Variants in CHRNA6 observed in about 807,000 individuals in gnomAD.
CHRNA6 encodes cholinergic receptor nicotinic alpha 6 subunit.
CHRNA6 carries 31 observed loss-of-function variants against 40.9 expected under a neutral mutation model. That is an observed-to-expected ratio of 0.76 (90% CI 0.57 to 1.02). The LOEUF (loss-of-function observed/expected upper bound fraction) is 1.02, where lower values mean the gene tolerates loss of function less well. Among genes scored for constraint, CHRNA6 ranks in the 50% least tolerant of loss-of-function variants. CHRNA6 has a pLI of 0.00. For missense variants in CHRNA6, 546 were observed against 596.6 expected, an observed-to-expected ratio of 0.92 and a Z score of 0.88; for synonymous variants, 222 against 221.3, an observed-to-expected ratio of 1.00 and a Z score of -0.03.
Position 42,756,485 on chromosome 8 carries a change from TC to T in CHRNA6, c.713del (p.Arg238AsnfsTer10). Reference sequence around the variant, plus strand: ...GATTAATCGTGTAAAACATCGGCAATCTTCTAATGTAGAAAGAATAGGTTAT... The same window carrying T: ...GATTAATCGTGTAAAACATCGGCAATTTCTAATGTAGAAAGAATAGGTTAT... The part of the protein sequence containing the change: ...TDITYSFYIR[R>X]LPMFYTINLI... On this transcript the variant is annotated frameshift_variant, in exon 5 of 6. Transcript: ENST00000276410. LOFTEE classifies it high-confidence loss of function. 1 of 1,614,170 alleles carries T rather than the reference TC, an allele frequency of 6.2e-7. No individual in the cohort carries two copies. The highest frequency in any genetic ancestry group is 8.5e-7 in the Non-Finnish European group (1 of 1,180,012).
intron 1 of CHRNA6, among the ~76,000 whole-genome samples, chr8:42,765,654 C>A (rs1171307558): frequency 6.6e-6 from 1 of 152,184 alleles, no homozygotes. Context: ...TGTATCTACA[C>A]CAGCAAGGTG....
chr8:42,760,232 T>TGC (rs1816880511), intron 2 of CHRNA6, among the ~76,000 whole-genome samples: 1 of 149,724 alleles, frequency 6.7e-6, no homozygotes, highest in African/African-American at 2.5e-5. Flanking sequence ...CGCACACTCA[T>TGC]ACACACGCAC....
chr8:42,764,409 C>T (rs941769175), intron 2 of CHRNA6, among the ~76,000 whole-genome samples: 3 of 151,968 alleles, frequency 2.0e-5, no homozygotes, highest in African/African-American at 7.3e-5. Context: ...CTCACTGCAG[C>T]CTTGACCTCC....
intron 1 of CHRNA6, among the ~76,000 whole-genome samples, chr8:42,765,540 T>C (rs922600144): frequency 6.6e-6 from 1 of 152,258 alleles, no homozygotes; most frequent in African/African-American, 2.4e-5. Context: ...TCTTCACTTA[T>C]GTCACTGAAG....
chr8:42,753,462 T>C (rs111846076), intron 5 of CHRNA6, 152 bp from the exon 6 acceptor site: 1 of 722,010 alleles, frequency 1.4e-6, no homozygotes, highest in African/African-American at 1.8e-5. Context: ...TCATCTGAGG[T>C]CTGGAGTTCA....
intron 2 of CHRNA6, among the ~76,000 whole-genome samples, chr8:42,762,862 G>A (rs929991172): frequency 6.6e-6 from 1 of 152,206 alleles, no homozygotes; most frequent in African/African-American, 2.4e-5. Flanking sequence ...TTGGAGGGCA[G>A]ATTAGTGGGA....
intron 2 of CHRNA6, among the ~76,000 whole-genome samples, chr8:42,764,210 C>T (rs188227715): frequency 6.6e-6 from 1 of 152,320 alleles, no homozygotes; most frequent in South Asian, 2.1e-4. Flanking sequence ...ACAAAGAGCT[C>T]CAGTCCTACT....
In CHRNA6 at chr8:42,767,893, T is replaced by C. The variant is rs375092779; in HGVS notation, c.79+459A>G. 2.0e-5 allele frequency among the ~76,000 whole-genome samples: 3 copies of C among 152,194 alleles called. No individual in the cohort carries two copies. The East Asian group carries it at 5.8e-4, about 29-fold the overall frequency. On this transcript the variant is annotated intron_variant, in intron 1 of 5. Coordinates refer to ENST00000276410, the MANE Select transcript of CHRNA6 (RefSeq NM_004198.3). ...TCTAAGTTGTAACTTTTAAAATGAA[T>C]GATCTTACTCATGGGATAGTTTCAG...
intron 3 of CHRNA6, among the ~76,000 whole-genome samples, chr8:42,757,356 G>GA (rs11289227): frequency 6.1e-5 from 9 of 148,238 alleles, no homozygotes; most frequent in Non-Finnish European, 9.0e-5. Flanking sequence ...ACTCTATCTG[G>GA]AAAAAAAAAA....
intron 2 of CHRNA6, among the ~76,000 whole-genome samples, chr8:42,762,990 TG>T (rs1816925920): frequency 6.6e-6 from 1 of 152,238 alleles, no homozygotes; most frequent in Admixed American, 6.5e-5. Flanking sequence ...AAGTCTGCCT[TG>T]CAGCTGGAGG....
chr8:42,765,810 G>GAA (rs1029955928), intron 1 of CHRNA6, among the ~76,000 whole-genome samples: 2 of 151,994 alleles, frequency 1.3e-5, no homozygotes, highest in Admixed American at 1.3e-4. Context: ...CAAGAAACAA[G>GAA]AAAAAAAGCT....
intron 2 of CHRNA6, among the ~76,000 whole-genome samples, chr8:42,762,707 C>T (rs779522145): frequency 1.3e-5 from 2 of 152,070 alleles, no homozygotes; most frequent in Non-Finnish European, 2.9e-5. Context: ...TACTCAGCAA[C>T]AAGAAGGAAT....
Position 42,759,076 on chromosome 8 carries a change from A to G in CHRNA6, c.257T>C (p.Leu86Pro). The G allele has an allele frequency of 1.9e-6, 3 of 1,613,184 alleles. No homozygotes were observed. Among genetic ancestry groups the G allele is most frequent in the Non-Finnish European group, 2.5e-6 (3 of 1,179,100 alleles). ...VNQIMETNLWLRHIWNDYKLR... is the reference protein window; with the variant it reads ...VNQIMETNLWPRHIWNDYKLR... ...CATGATATAGGCACATACGTGACGCAGCCACAAATTGGTTTCCATGATCTG... is the reference window on the plus strand; with the variant it reads ...CATGATATAGGCACATACGTGACGCGGCCACAAATTGGTTTCCATGATCTG... The change falls in exon 3 of 6, where the codon CTG becomes CCG. Residue 86 changes from leucine (L) to proline (P), a missense_variant. Physicochemically the swap from Leu to Pro is moderately conservative, Grantham distance 98. Around this residue, in one of 3 missense-constraint regions of CHRNA6, gnomAD observed 476 missense variants for 494.5 expected, o/e 0.96. Transcript: ENST00000276410.
At chr8:42,754,722 A>G (rs138251743) in intron 5 of CHRNA6, among the ~76,000 whole-genome samples, 29 of 152,240 alleles carry the variant, frequency 1.9e-4, no homozygotes, top group African/African-American at 6.3e-4. Context: ...AGTCACCCAC[A>G]TGGTGTGGGA....
intron 2 of CHRNA6, chr8:42,759,433 G>C (rs528932007): frequency 7.6e-6 from 2 of 261,790 alleles, no homozygotes; most frequent in East Asian, 7.8e-5. Context: ...GGAAAGAAAA[G>C]AAGAGCGACA....
In CHRNA6 at chr8:42,756,385, C is replaced by A. The variant is rs771583412; in HGVS notation, c.814G>T (p.Val272Leu). Residue 272 changes from valine to leucine, a missense_variant, in exon 5 of 6, where the codon GTG becomes TTG. Val to Leu is a conservative substitution (Grantham distance 32, BLOSUM62 1). Around this residue, in one of 3 missense-constraint regions of CHRNA6, gnomAD observed 476 missense variants for 494.5 expected, o/e 0.96. Transcript: ENST00000276410. ...AGCAGGACTGAAATACAAAGCGTCA[C>A]TTTTTCACCACAGTCCGAAGGAAGG... Reference protein sequence around the residue: ...FYLPSDCGEKVTLCISVLLSL... With the variant: ...FYLPSDCGEKLTLCISVLLSL... The A allele has an allele frequency of 2.0e-5, 32 of 1,614,190 alleles. No individual in the cohort carries two copies. Among genetic ancestry groups the A allele is most frequent in the Non-Finnish European group, 2.7e-5 (32 of 1,180,046 alleles).
chr8:42,766,029 A>G (rs113717628), intron 1 of CHRNA6, among the ~76,000 whole-genome samples: 1 of 152,166 alleles, frequency 6.6e-6, no homozygotes, highest in East Asian at 1.9e-4. Context: ...AACACCTAGA[A>G]CCCGAAATAC....
chr8:42,756,020 T>C lies in CHRNA6; in HGVS notation c.1179A>G (p.Lys393=). 1 of 1,614,274 alleles carries C rather than the reference T, an allele frequency of 6.2e-7. No individual in the cohort carries two copies. The highest frequency in any genetic ancestry group is 2.2e-5 in the East Asian group (1 of 44,888). Residue 393 remains lysine, a synonymous_variant, in exon 5 of 6, where the codon AAA becomes AAG. Transcript: ENST00000276410. ...TTGATTTGTGACAATGGAAGCATTC[T>C]TTAAGATGTCTGGGTTCCCCATGGC... ...LASHGEPRHL[K]ECFHCHKSNE...
chr8:42,753,191 T>G lies in CHRNA6; in HGVS notation c.1473A>C (p.Thr491=). 1 of 1,593,990 alleles carries G rather than the reference T, an allele frequency of 6.3e-7. No homozygotes were observed. The highest frequency in any genetic ancestry group is 1.2e-5 in the South Asian group (1 of 86,432). Residue 491 remains threonine, a synonymous_variant, in exon 6 of 6, where the codon ACA becomes ACC. Transcript: ENST00000276410. ...AAGAAAATACATTTTAAGATTTTCC[T>G]GTGTTCCCAAGTAGTGGCTGTAGAA... ...GLFLQPLLGN[T]GKS is the part of the protein sequence containing the mutation.
Sources: allele counts gnomAD v4.1 joint callset (sites outside exome capture counted in the v4.1 genomes callset), GRCh38; gene constraint gnomAD v4.1.1; regional missense constraint gnomAD v4.1.1; transcripts MANE v1.5; gene names NCBI Gene and HGNC (gene_info 2026-07-23, HGNC 2026-07-21).